The following FMN2 variants were observed in gnomAD, a reference collection of about 807,000 sequenced individuals.
The protein encoded by FMN2 is formin-2.
A neutral mutation model predicts 142.3 loss-of-function variants in FMN2; 51 were observed. The ratio of observed to expected loss-of-function variants is 0.36; its 90% CI spans 0.29 to 0.45. The LOEUF is 0.45. FMN2 is among the 20% of genes least tolerant of loss of function. The pLI, the probability that FMN2 is intolerant of heterozygous loss-of-function variation, is 1.00. For synonymous variants in FMN2, 882 were observed against 869.8 expected (o/e 1.01, Z -0.25); for missense variants, 1,936 against 2,122.8 (o/e 0.91, Z 1.73).
intron 6 of FMN2, among the ~76,000 whole-genome samples, chr1:240,222,466 A>G (rs189375657): frequency 1.5e-4 from 23 of 151,840 alleles, no homozygotes; most frequent in Middle Eastern, 3.4e-3. Flanking sequence ...TGACTTGGCT[A>G]TATGGGCTCT....
chr1:240,221,743 G>T (rs906123612), intron 6 of FMN2, among the ~76,000 whole-genome samples: 3 of 151,160 alleles, frequency 2.0e-5, no homozygotes, highest in African/African-American at 7.3e-5. Flanking sequence ...ATTAGATCCC[G>T]TTTGTCAATT....
At chr1:240,299,200 G>A (rs61829204) in intron 8 of FMN2, among the ~76,000 whole-genome samples, 149 of 152,112 alleles carry the variant, frequency 9.8e-4, no homozygotes, top group African/African-American at 3.3e-3. Context: ...CACCCGCCTC[G>A]ACCTTACAAA....
At chr1:240,096,043 G>T (rs1449596410) in intron 1 of FMN2, among the ~76,000 whole-genome samples, 1 of 152,162 alleles carries the variant, frequency 6.6e-6, no homozygotes, top group East Asian at 1.9e-4. Flanking sequence ...AGGAAAAGAG[G>T]ATCAGTAGGT....
intron 6 of FMN2, among the ~76,000 whole-genome samples, chr1:240,245,811 A>G (rs1344819987): frequency 2.0e-5 from 3 of 152,066 alleles, no homozygotes; most frequent in African/African-American, 7.2e-5. Flanking sequence ...CTGTTGCTTC[A>G]CCCTCAGGGC....
chr1:240,473,232 G>A lies in FMN2; in HGVS notation c.5142+779G>A, dbSNP rs958817780. The stretch of plus-strand genomic sequence containing the variant: ...AGATGGCTCGGCAGAGTTGGCTGCC[G>A]GAGAGTGGTCAGTCCAGAGACGGAG... On this transcript the variant is annotated intron_variant, in intron 17 of 17. Transcript: ENST00000319653. The surrounding 1 kb of genome is among the most constrained non-coding windows in gnomAD (Gnocchi z 4.3). Among the ~76,000 whole-genome samples, 12 of 152,122 alleles carry A rather than the reference G, an allele frequency of 7.9e-5. No homozygotes were observed. Among genetic ancestry groups the A allele is most frequent in the East Asian group, 5.8e-4 (3 of 5,176 alleles).
At chr1:240,370,734 G>A (rs1002998941) in intron 14 of FMN2, among the ~76,000 whole-genome samples, 11 of 152,028 alleles carry the variant, frequency 7.2e-5, no homozygotes, top group East Asian at 3.9e-4. Context: ...TAGGCTGACC[G>A]TTTCCTAACA....
rs1670982248 is a variant in FMN2, at chr1:240,321,811, T to C, written c.4216-7265T>C. On this transcript the variant is annotated intron_variant, in intron 8 of 17. Transcript: ENST00000319653. Reference sequence around the variant, plus strand: ...ATGTTAAACATTGCGACTCCTCTAATTTAAAGAAAAAAATCAAATTATTTT... The same window carrying C: ...ATGTTAAACATTGCGACTCCTCTAACTTAAAGAAAAAAATCAAATTATTTT... Among the ~76,000 whole-genome samples the C allele has an allele frequency of 3.3e-5, 5 of 152,148 alleles. No individual in the cohort carries two copies. The South Asian group carries it at 1.0e-3, about 32-fold the overall frequency.
intron 8 of FMN2, among the ~76,000 whole-genome samples, chr1:240,308,333 A>G (rs1670483704): frequency 6.6e-6 from 1 of 152,188 alleles, no homozygotes; most frequent in Non-Finnish European, 1.5e-5. Context: ...AGAACTTTGT[A>G]AGACTTGAAC....
intron 13 of FMN2, among the ~76,000 whole-genome samples, chr1:240,340,449 TG>T (rs1426394331): frequency 6.6e-6 from 1 of 151,916 alleles, no homozygotes; most frequent in Non-Finnish European, 1.5e-5. Flanking sequence ...GGCATGGTGG[TG>T]GGCGCCTGTA....
chr1:240,414,411 A>T (rs1232734818), intron 15 of FMN2, among the ~76,000 whole-genome samples: 1 of 152,244 alleles, frequency 6.6e-6, no homozygotes, highest in Non-Finnish European at 1.5e-5. Context: ...CACAGAGCCG[A>T]GAATGGAATT....
At position 240,098,241 on chromosome 1, in the gene FMN2, A is replaced by G. The variant is rs746372345; in HGVS notation, c.1615+4517A>G. On this transcript the variant is annotated intron_variant, in intron 1 of 17. Coordinates refer to ENST00000319653, the MANE Select transcript of FMN2 (RefSeq NM_020066.5). ...CTCAGCTTCCAGAGTAGCTGGGATT[A>G]TAGGCGCCCATGACCACACCCAGCT... Among the ~76,000 whole-genome samples the G allele has an allele frequency of 3.6e-4, 55 of 151,616 alleles. No individual in the cohort carries two copies. The Middle Eastern group carries it at 0.024, about 66-fold the overall frequency.
intron 6 of FMN2, among the ~76,000 whole-genome samples, chr1:240,253,445 C>G (rs1237582729): frequency 6.6e-6 from 1 of 152,042 alleles, no homozygotes; most frequent in East Asian, 1.9e-4. Context: ...CTGTTTGGTT[C>G]TTTTTTACGA....
intron 7 of FMN2, among the ~76,000 whole-genome samples, chr1:240,294,613 G>T (rs552793706): frequency 6.6e-6 from 1 of 152,314 alleles, no homozygotes; most frequent in South Asian, 2.1e-4. Context: ...ATGGGATTTA[G>T]TATTTGCGGA....
chr1:240,409,385 C>G (rs1674321813), intron 15 of FMN2, among the ~76,000 whole-genome samples: 1 of 152,118 alleles, frequency 6.6e-6, no homozygotes. Flanking sequence ...TTCAAAGGAT[C>G]CTCCCACCTC....
At chr1:240,301,491 T>C (rs1670194057) in intron 8 of FMN2, among the ~76,000 whole-genome samples, 1 of 152,006 alleles carries the variant, frequency 6.6e-6, no homozygotes, top group Admixed American at 6.5e-5. Flanking sequence ...AGTATCATTT[T>C]ATATCGTTTT....
At chr1:240,120,589 G>C (rs1471842828) in intron 1 of FMN2, among the ~76,000 whole-genome samples, 1 of 152,218 alleles carries the variant, frequency 6.6e-6, no homozygotes, top group Non-Finnish European at 1.5e-5. Context: ...CCATCAGCAA[G>C]TTTATATGTC....
Position 240,207,620 on chromosome 1 carries a change from TCTACCCGGAGCGGGAATA to T in FMN2, c.2810_2827del (p.Leu937_Ile942del). On this transcript the variant is annotated inframe_deletion, in exon 5 of 18. Transcript: ENST00000319653. ...GAGCAGGCATACTCCCTCTGCCCCC[TCTACCCGGAGCGGGAATA>T]CCTCCTCCGCCCCCTCTACCCGGAG... is the stretch of plus-strand genomic sequence containing the variant. The T allele has an allele frequency of 8.9e-7, 1 of 1,117,460 alleles. No homozygotes were observed. The highest frequency in any genetic ancestry group is 1.2e-6 in the Non-Finnish European group (1 of 868,778). The allele number at this position is 1,117,460 out of a possible 1,614,324, so 69.2% of individuals were successfully genotyped here.
chr1:240,232,916 G>T (rs1271678093), intron 6 of FMN2, among the ~76,000 whole-genome samples: 1 of 152,080 alleles, frequency 6.6e-6, no homozygotes, highest in East Asian at 1.9e-4. Context: ...TGGCCTTGCT[G>T]TTTTGCTCAG....
rs141492081 is a variant in FMN2 at position 240,093,475 on chromosome 1, A to G, written c.1366A>G (p.Arg456Gly). Residue 456 changes from arginine to glycine, a missense_variant, in exon 1 of 18, where the codon AGA (arginine) becomes GGA (glycine). Physicochemically the swap from Arg to Gly is moderately radical, Grantham distance 125. Around this residue, in one of 8 missense-constraint regions of FMN2, gnomAD observed 751 missense variants for 791.8 expected, o/e 0.95. Coordinates refer to ENST00000319653, the MANE Select transcript of FMN2 (RefSeq NM_020066.5). ...RPEPSLSRGSRTALASVAAPA... is the reference protein window; with the variant it reads ...RPEPSLSRGSGTALASVAAPA... ...GGAACCCTCCCTGAGCCGAGGGTCC[A>G]GAACTGCCCTGGCCTCCGTAGCCGC... 6.4e-5 allele frequency: 103 copies of G among 1,610,980 alleles called. No homozygotes were observed. The highest frequency in any genetic ancestry group is 6.3e-5 in the Non-Finnish European group (74 of 1,178,864).
Sources: allele counts gnomAD v4.1 joint callset (sites outside exome capture counted in the v4.1 genomes callset), GRCh38; gene constraint gnomAD v4.1.1; regional missense constraint gnomAD v4.1.1; non-coding constraint Gnocchi (gnomAD v3.1); transcripts MANE v1.5; gene names NCBI Gene and HGNC (gene_info 2026-07-23, HGNC 2026-07-21).